The following THRB variants were observed in gnomAD, a reference collection of about 807,000 sequenced individuals.
The protein encoded by THRB is thyroid hormone receptor beta.
A neutral mutation model predicts 47.8 loss-of-function variants in THRB; 12 were observed. The observed-to-expected ratio is 0.25, with a 90% CI of 0.16 to 0.41. The LOEUF is 0.41. Ranked by LOEUF, THRB falls within the 10% of genes least tolerant of loss-of-function variation. THRB has a pLI of 1.00. For synonymous variants in THRB, 218 were observed against 212.2 expected, an observed-to-expected ratio of 1.03 and a Z score of -0.24; for missense variants, 348 against 589.2, an observed-to-expected ratio of 0.59 and a Z score of 4.24.
chr3:24,383,114 G>T (rs557326722), intron 1 of THRB, among the ~76,000 whole-genome samples: 23 of 152,184 alleles, frequency 1.5e-4, no homozygotes, highest in African/African-American at 5.1e-4. Context: ...TTACTTGTTT[G>T]CGATTAATAT....
intron 3 of THRB, among the ~76,000 whole-genome samples, chr3:24,262,832 G>A (rs988022460): frequency 2.0e-5 from 3 of 152,064 alleles, no homozygotes; most frequent in African/African-American, 4.8e-5. Context: ...TAAACACCAT[G>A]AGGAAGGGAT....
intron 1 of THRB, among the ~76,000 whole-genome samples, chr3:24,367,817 T>C (rs1471360702): frequency 6.6e-6 from 1 of 152,110 alleles, no homozygotes; most frequent in African/African-American, 2.4e-5. Context: ...TACACTGAAC[T>C]AAAACACAAA....
intron 1 of THRB, among the ~76,000 whole-genome samples, chr3:24,413,910 C>A (rs1033053472): frequency 1.3e-5 from 2 of 151,790 alleles, no homozygotes; most frequent in African/African-American, 4.8e-5. Context: ...CAAACTATCG[C>A]AAGGACAGAA....
intron 5 of THRB, among the ~76,000 whole-genome samples, chr3:24,176,487 A>C (rs2041170830): frequency 1.3e-5 from 2 of 152,192 alleles, no homozygotes; most frequent in Non-Finnish European, 2.9e-5. Context: ...TTGCTTTTTC[A>C]CCCTTAAGAA....
intron 5 of THRB, among the ~76,000 whole-genome samples, chr3:24,179,557 A>T (rs2041627161): frequency 6.6e-6 from 1 of 152,206 alleles, no homozygotes; most frequent in African/African-American, 2.4e-5. Context: ...TTAGAACAAA[A>T]TATAAAAAGG....
At chr3:24,258,314 C>G (rs2051541796) in intron 3 of THRB, among the ~76,000 whole-genome samples, 1 of 152,088 alleles carries the variant, frequency 6.6e-6, no homozygotes, top group African/African-American at 2.4e-5. Context: ...GCTTGATTCA[C>G]TCCCCTGGGC....
intron 1 of THRB, among the ~76,000 whole-genome samples, chr3:24,460,124 A>T (rs1217931569): frequency 6.6e-6 from 1 of 152,214 alleles, no homozygotes; most frequent in East Asian, 1.9e-4. Context: ...TTTATTTAGC[A>T]CATTTTCTAA....
At chr3:24,325,503 A>T (rs559694779) in intron 2 of THRB, among the ~76,000 whole-genome samples, 1 of 152,342 alleles carries the variant, frequency 6.6e-6, no homozygotes, top group African/African-American at 2.4e-5. Context: ...CCTGGCCAAC[A>T]GGGCAAAACC....
At chr3:24,405,222 G>T (rs1034841810) in intron 1 of THRB, among the ~76,000 whole-genome samples, 10 of 151,908 alleles carry the variant, frequency 6.6e-5, no homozygotes, top group Admixed American at 2.0e-4. Context: ...CTGGAATATA[G>T]GCAGCAAACA....
At chr3:24,402,729 C>G (rs2067518411) in intron 1 of THRB, among the ~76,000 whole-genome samples, 2 of 151,882 alleles carry the variant, frequency 1.3e-5, no homozygotes, top group Non-Finnish European at 2.9e-5. Flanking sequence ...TATCCAGGTT[C>G]TCAGTTTTAT....
intron 4 of THRB, among the ~76,000 whole-genome samples, chr3:24,203,663 G>A (rs554338981): frequency 2.9e-4 from 44 of 152,268 alleles, no homozygotes; most frequent in African/African-American, 9.1e-4. Flanking sequence ...GTGGGTGCAG[G>A]AGAGTGGGTG....
intron 1 of THRB, among the ~76,000 whole-genome samples, chr3:24,459,905 G>C (rs1466894213): frequency 1.3e-5 from 2 of 152,044 alleles, no homozygotes; most frequent in African/African-American, 4.8e-5. Flanking sequence ...AAATGTATTT[G>C]TTTGTATTTT....
At chr3:24,310,326 T>C (rs956154210) in intron 2 of THRB, among the ~76,000 whole-genome samples, 1 of 152,208 alleles carries the variant, frequency 6.6e-6, no homozygotes, top group Non-Finnish European at 1.5e-5. Context: ...AATAAAATGA[T>C]GTACTTTGAT....
At chr3:24,209,028 A>G (rs1439125332) in intron 4 of THRB, among the ~76,000 whole-genome samples, 1 of 152,250 alleles carries the variant, frequency 6.6e-6, no homozygotes, top group Non-Finnish European at 1.5e-5. Flanking sequence ...GTTGAAGGAT[A>G]TGAACAGACT....
intron 1 of THRB, among the ~76,000 whole-genome samples, chr3:24,461,357 T>G (rs1485641350): frequency 1.3e-5 from 2 of 152,212 alleles, no homozygotes; most frequent in Non-Finnish European, 2.9e-5. Flanking sequence ...GAATTAAGCG[T>G]AATGTTTATC....
intron 2 of THRB, among the ~76,000 whole-genome samples, chr3:24,312,848 C>T (rs1576753710): frequency 6.6e-6 from 1 of 152,320 alleles, no homozygotes; most frequent in East Asian, 1.9e-4. Context: ...GTGGTGACTT[C>T]ATCACTCTGG....
At chr3:24,179,770 T>C (rs537019916) in intron 5 of THRB, among the ~76,000 whole-genome samples, 1 of 152,312 alleles carries the variant, frequency 6.6e-6, no homozygotes, top group Non-Finnish European at 1.5e-5. Context: ...GTCAGATTGA[T>C]TTGCATAATT....
At chr3:24,326,894 A>G (rs960478448) in intron 2 of THRB, among the ~76,000 whole-genome samples, 1 of 149,612 alleles carries the variant, frequency 6.7e-6, no homozygotes, top group Non-Finnish European at 1.5e-5. Flanking sequence ...CCTCCTGTGT[A>G]GCTGGGACTA....
At chr3:24,462,876 A>G (rs1009341256) in intron 1 of THRB, among the ~76,000 whole-genome samples, 6 of 152,220 alleles carry the variant, frequency 3.9e-5, no homozygotes. Flanking sequence ...TCATCTGGGC[A>G]AGGCACCCAG....
Sources: allele counts gnomAD v4.1 joint callset (sites outside exome capture counted in the v4.1 genomes callset), GRCh38; gene constraint gnomAD v4.1.1; transcripts MANE v1.5; gene names NCBI Gene and HGNC (gene_info 2026-07-23, HGNC 2026-07-21).